The following GPD1L variants were observed in gnomAD, a reference collection of about 807,000 sequenced individuals.
GPD1L encodes the protein glycerol-3-phosphate dehydrogenase 1 like, also known as glycerol-3-phosphate dehydrogenase 1-like protein.
GPD1L carries 17 observed loss-of-function variants against 32.9 expected under a neutral mutation model. The ratio of observed to expected loss-of-function variants is 0.52; its 90% CI spans 0.35 to 0.78. The LOEUF (loss-of-function observed/expected upper bound fraction) is 0.78. GPD1L is among the 30% of genes least tolerant of loss of function. GPD1L has a pLI of 0.01. For synonymous variants in GPD1L, 187 were observed against 165.9 expected (o/e 1.13, Z -0.98); for missense variants, 361 against 447.8 (o/e 0.81, Z 1.75).
intron 5 of GPD1L, among the ~76,000 whole-genome samples, chr3:32,147,947 G>A (rs1332671793): frequency 6.6e-6 from 1 of 152,188 alleles, no homozygotes; most frequent in Non-Finnish European, 1.5e-5. Context: ...TGGGCTCCTA[G>A]GGAGCACACA....
At chr3:32,151,178 C>T (rs2125493507) in intron 5 of GPD1L, 4 of 586,156 alleles carry the variant, frequency 6.8e-6, no homozygotes, top group Admixed American at 6.1e-5. Flanking sequence ...CAGGCTGGTA[C>T]TTCAGTCTAA....
At chr3:32,136,240 A>G (rs1042683308) in intron 2 of GPD1L, among the ~76,000 whole-genome samples, 1 of 152,222 alleles carries the variant, frequency 6.6e-6, no homozygotes, top group Non-Finnish European at 1.5e-5. Flanking sequence ...ACATGGTTGC[A>G]GTAGTTCCAG....
At chr3:32,159,872 C>T (rs982503794) in intron 7 of GPD1L, among the ~76,000 whole-genome samples, 198 bp downstream of exon 7, 1 of 152,188 alleles carries the variant, frequency 6.6e-6, no homozygotes, top group South Asian at 2.1e-4. Context: ...TTACACAAAA[C>T]CAGGCTCAAC....
intron 1 of GPD1L, among the ~76,000 whole-genome samples, chr3:32,118,328 C>A (rs1700358981): frequency 6.6e-6 from 1 of 152,192 alleles, no homozygotes; most frequent in Non-Finnish European, 1.5e-5. Flanking sequence ...ATTCATGCAA[C>A]AAATGTTTGT....
chr3:32,121,537 GTATATATTTCTATA>G lies in GPD1L; in HGVS notation c.48-6525_48-6512del, dbSNP rs1700414123. Among the ~76,000 whole-genome samples the G allele has an allele frequency of 2.0e-4, 10 of 49,482 alleles. 2 individuals are homozygous for G. The South Asian group carries it at 3.8e-3, about 19-fold the overall frequency. 32.5% of individuals were successfully genotyped at this position (49,482 alleles called of 152,430 possible). On this transcript the variant is annotated intron_variant, in intron 1 of 7. Transcript: ENST00000282541. ...TATTTCTCTCTATATATATTTCTATGTATATATTTCTATATATATATTTCTATGTATATATTTCT... is the reference window on the plus strand; with the variant it reads ...TATTTCTCTCTATATATATTTCTATGTATATATTTCTATGTATATATTTCT...
chr3:32,146,783 C>A, intron 5 of GPD1L, 49 bp downstream of exon 5: 1 of 1,023,268 alleles, frequency 9.8e-7, no homozygotes, highest in Non-Finnish European at 1.6e-6. Flanking sequence ...CAAATGTTAG[C>A]ATCATTGAGT....
chr3:32,163,231 C>T (rs1010885964), intron 7 of GPD1L, among the ~76,000 whole-genome samples: 3 of 139,510 alleles, frequency 2.2e-5, no homozygotes, highest in African/African-American at 5.4e-5. Flanking sequence ...TGCAGTGGCA[C>T]GATCTTGGCT....
At position 32,158,887 on chromosome 3, in the gene GPD1L, T is replaced by C. The variant is rs373325536; in HGVS notation, c.630T>C (p.Ala210=). The C allele has an allele frequency of 1.7e-5, 27 of 1,614,016 alleles. No individual in the cohort carries two copies. The South Asian group carries it at 2.3e-4, about 14-fold the overall frequency. ...ELCGALKNIV[A]VGAGFCDGLR... is the part of the protein sequence containing the mutation. ...CATCTCCTTTGCAGAACATCGTAGC[T>C]GTGGGAGCTGGGTTCTGCGACGGCC... The change falls in exon 6 of 8, where the codon GCT becomes GCC. Residue 210 remains alanine (A), a synonymous_variant. Coordinates refer to ENST00000282541, the MANE Select transcript of GPD1L (RefSeq NM_015141.4).
chr3:32,146,073 A>G (rs1248666967), intron 4 of GPD1L, among the ~76,000 whole-genome samples: 1 of 134,488 alleles, frequency 7.4e-6, no homozygotes, highest in African/African-American at 3.0e-5. Context: ...GTTGACAATC[A>G]TGCTTTTTTC....
chr3:32,127,593 A>G (rs1700528576), intron 1 of GPD1L, among the ~76,000 whole-genome samples: 1 of 152,182 alleles, frequency 6.6e-6, no homozygotes, highest in African/African-American at 2.4e-5. Context: ...GAGGGAGTGC[A>G]AAGTACTCAA....
At chr3:32,121,886 T>C (rs1700428400) in intron 1 of GPD1L, among the ~76,000 whole-genome samples, 1 of 151,340 alleles carries the variant, frequency 6.6e-6, no homozygotes, top group Admixed American at 6.6e-5. Context: ...GTCTCTGTCC[T>C]CAGCCTCCTG....
chr3:32,122,575 T>C (rs1168365087), intron 1 of GPD1L, among the ~76,000 whole-genome samples: 1 of 152,228 alleles, frequency 6.6e-6, no homozygotes, highest in African/African-American at 2.4e-5. Flanking sequence ...AATAGAATTT[T>C]ATACATCTAT....
At chr3:32,157,301 T>C (rs1701005679) in intron 5 of GPD1L, among the ~76,000 whole-genome samples, 1 of 151,624 alleles carries the variant, frequency 6.6e-6, no homozygotes, top group African/African-American at 2.4e-5. Flanking sequence ...TGGAGTGCAG[T>C]GGTGCGATCT....
At chr3:32,121,885 C>T (rs966799358) in intron 1 of GPD1L, among the ~76,000 whole-genome samples, 9 of 151,104 alleles carry the variant, frequency 6.0e-5, no homozygotes, top group African/African-American at 2.0e-4. Flanking sequence ...AGTCTCTGTC[C>T]TCAGCCTCCT....
chr3:32,117,386 C>CCAG (rs1700346817), intron 1 of GPD1L, among the ~76,000 whole-genome samples: 1 of 152,150 alleles, frequency 6.6e-6, no homozygotes, highest in African/African-American at 2.4e-5. Context: ...CAGTAACATT[C>CCAG]CAGCTGTAGA....
At position 32,158,877 on chromosome 3, in the gene GPD1L, A is replaced by C; in HGVS notation, c.620A>C (p.Asn207Thr). Reference sequence around the variant, plus strand: ...TGGGCTTTGTCATCTCCTTTGCAGAACATCGTAGCTGTGGGAGCTGGGTTC... The same window carrying C: ...TGGGCTTTGTCATCTCCTTTGCAGACCATCGTAGCTGTGGGAGCTGGGTTC... ...DTVELCGALKNIVAVGAGFCD... is the reference protein window; with the variant it reads ...DTVELCGALKTIVAVGAGFCD... The change falls in exon 6 of 8, where the codon AAC becomes ACC. Residue 207 changes from asparagine (N) to threonine (T), a missense_variant and splice_region_variant. By Grantham distance (65) the Asn-to-Thr change is moderately conservative (BLOSUM62 0). Transcript: ENST00000282541. The C allele has an allele frequency of 6.2e-7, 1 of 1,613,930 alleles. No homozygotes were observed. The highest frequency in any genetic ancestry group is 8.5e-7 in the Non-Finnish European group (1 of 1,179,952).
At chr3:32,161,305 G>A (rs1182786299) in intron 7 of GPD1L, among the ~76,000 whole-genome samples, 1 of 152,162 alleles carries the variant, frequency 6.6e-6, no homozygotes, top group Non-Finnish European at 1.5e-5. Context: ...TTTAAAACCA[G>A]CCATGCAGAG....
chr3:32,130,339 C>A (rs910433137), intron 2 of GPD1L, among the ~76,000 whole-genome samples: 1 of 152,154 alleles, frequency 6.6e-6, no homozygotes. Context: ...TGTCCCCAGT[C>A]CCTCACCCTC....
At chr3:32,113,029 A>G (rs1214492450) in intron 1 of GPD1L, among the ~76,000 whole-genome samples, 2 of 152,216 alleles carry the variant, frequency 1.3e-5, no homozygotes, top group Non-Finnish European at 2.9e-5. Context: ...ATGAGGATAA[A>G]TATCATTTTC....
Sources: allele counts gnomAD v4.1 joint callset (sites outside exome capture counted in the v4.1 genomes callset), GRCh38; gene constraint gnomAD v4.1.1; transcripts MANE v1.5; gene names NCBI Gene and HGNC (gene_info 2026-07-23, HGNC 2026-07-21).